The following LUZP2 variants were observed in gnomAD, a reference collection of about 807,000 sequenced individuals.
LUZP2 encodes the protein leucine zipper protein 2.
Under a neutral mutation model 51.6 loss-of-function variants are expected in LUZP2, and 52 were observed. That is an observed-to-expected ratio of 1.01 (90% CI 0.81 to 1.27). LUZP2 has a LOEUF of 1.27. LUZP2 is among the 50% of genes most tolerant of loss of function. LUZP2 has a pLI of 0.00. For synonymous variants in LUZP2, 154 were observed against 137.3 expected, an observed-to-expected ratio of 1.12 and a Z score of -0.85; for missense variants, 436 against 395.4, an observed-to-expected ratio of 1.10 and a Z score of -0.87.
rs148583397 is a variant in LUZP2, at chr11:24,887,452, G to A, written c.397-18539G>A. Among the ~76,000 whole-genome samples the A allele has an allele frequency of 5.9e-5, 9 of 152,222 alleles. No individual in the cohort carries two copies. The East Asian group carries it at 1.4e-3, about 23-fold the overall frequency. On this transcript the variant is annotated intron_variant, in intron 5 of 11. Coordinates refer to ENST00000336930, the MANE Select transcript of LUZP2 (RefSeq NM_001009909.4). ...ACTAATGTATATGTAAGCGAATAAG[G>A]TGTGGGTTATTTTAAGTTTGTTGGC...
rs192929703 is a variant in LUZP2, at chr11:24,834,420, T to G, written c.396+71112T>G. Among the ~76,000 whole-genome samples, 15 of 152,352 alleles carry G rather than the reference T, an allele frequency of 9.8e-5. No homozygotes were observed. The East Asian group carries it at 2.7e-3, about 27-fold the overall frequency. On this transcript the variant is annotated intron_variant, in intron 5 of 11. Transcript: ENST00000336930. ...TCCATCCATGTCCCTGCAAAGGACA[T>G]GATCTCATTCTTTTTATGCCTGCAT...
chr11:24,497,742 G>A (rs532750191), intron 1 of LUZP2, among the ~76,000 whole-genome samples: 37 of 152,272 alleles, frequency 2.4e-4, no homozygotes, highest in Admixed American at 1.2e-3. Context: ...TAAGGAAGAG[G>A]AAACCAGAGA....
chr11:24,965,093 A>G (rs1052117906), intron 7 of LUZP2, among the ~76,000 whole-genome samples: 6 of 151,550 alleles, frequency 4.0e-5, no homozygotes, highest in African/African-American at 1.5e-4. Flanking sequence ...AATATAAGGA[A>G]CAACAGCCTA....
chr11:24,526,022 C>T (rs558733983), intron 1 of LUZP2, among the ~76,000 whole-genome samples: 4 of 151,364 alleles, frequency 2.6e-5, no homozygotes, highest in Non-Finnish European at 5.9e-5. Flanking sequence ...GCATACATTA[C>T]CAAATACTGA....
At chr11:24,988,836 T>C (rs1226805751) in intron 9 of LUZP2, among the ~76,000 whole-genome samples, 2 of 152,014 alleles carry the variant, frequency 1.3e-5, no homozygotes, top group Non-Finnish European at 2.9e-5. Context: ...AAGGACAATA[T>C]CTTTTTTACA....
intron 9 of LUZP2, among the ~76,000 whole-genome samples, chr11:25,005,280 G>A (rs989352344): frequency 4.6e-5 from 7 of 152,122 alleles, no homozygotes; most frequent in Non-Finnish European, 1.0e-4. Flanking sequence ...TGAGCTGAAA[G>A]GTCCTCCTGT....
intron 5 of LUZP2, among the ~76,000 whole-genome samples, chr11:24,893,619 T>C (rs1322473030): frequency 2.0e-5 from 3 of 152,144 alleles, no homozygotes; most frequent in African/African-American, 7.2e-5. Context: ...TATACACATT[T>C]AAACTTTACA....
Position 24,602,126 on chromosome 11 carries a change from GTATATGTGTATATA to G in LUZP2, c.62+104823_62+104836del, listed in dbSNP as rs1565020409. Among the ~76,000 whole-genome samples, 508 of 105,146 alleles carry G rather than the reference GTATATGTGTATATA, an allele frequency of 4.8e-3. 16 individuals are homozygous for G. Among genetic ancestry groups the G allele is most frequent in the East Asian group, 0.029 (132 of 4,608 alleles). 69.0% of individuals were successfully genotyped at this position (105,146 alleles called of 152,430 possible). On this transcript the variant is annotated intron_variant, in intron 1 of 11. Transcript: ENST00000336930. ...TGTATATGTGTATATATGTATATAT[GTATATGTGTATATA>G]TGTATATATGTATATATGTATATAT... is the stretch of plus-strand genomic sequence containing the variant.
chr11:24,632,045 G>T (rs1006283781), intron 1 of LUZP2, among the ~76,000 whole-genome samples: 1 of 151,968 alleles, frequency 6.6e-6, no homozygotes, highest in Non-Finnish European at 1.5e-5. Flanking sequence ...TACTATGGAA[G>T]TGGGGCATTT....
chr11:24,744,924 T>G (rs781206530), intron 4 of LUZP2, among the ~76,000 whole-genome samples: 4 of 152,144 alleles, frequency 2.6e-5, no homozygotes, highest in African/African-American at 9.7e-5. Context: ...TGTCGTTCAG[T>G]TTGAAGATTT....
chr11:25,010,511 G>T (rs1856950248), intron 9 of LUZP2, among the ~76,000 whole-genome samples: 1 of 151,762 alleles, frequency 6.6e-6, no homozygotes, highest in Admixed American at 6.6e-5. Flanking sequence ...TCACACCAAT[G>T]CACTCCAACC....
chr11:24,984,698 ACT>A (rs981420017), intron 9 of LUZP2, among the ~76,000 whole-genome samples: 37 of 151,176 alleles, frequency 2.4e-4, no homozygotes, highest in African/African-American at 8.9e-4. Context: ...TGTTACATTC[ACT>A]GTTAGAACTA....
intron 1 of LUZP2, among the ~76,000 whole-genome samples, chr11:24,665,639 A>T (rs1404522386): frequency 1.3e-5 from 2 of 152,086 alleles, no homozygotes; most frequent in African/African-American, 2.4e-5. Flanking sequence ...CTAGTAAAAA[A>T]TTTGTCATGC....
chr11:24,851,454 G>A (rs989770117), intron 5 of LUZP2, among the ~76,000 whole-genome samples: 3 of 152,132 alleles, frequency 2.0e-5, no homozygotes, highest in East Asian at 1.9e-4. Context: ...GGATGAAGCC[G>A]ACTTGATCGT....
intron 5 of LUZP2, among the ~76,000 whole-genome samples, chr11:24,796,569 A>AG (rs1849551921): frequency 6.7e-6 from 1 of 150,094 alleles, no homozygotes; most frequent in East Asian, 1.9e-4. Context: ...AGAGCCAAAG[A>AG]GAAAAAAAAA....
intron 8 of LUZP2, among the ~76,000 whole-genome samples, chr11:24,977,247 T>C (rs1855905025): frequency 6.6e-6 from 1 of 151,584 alleles, no homozygotes; most frequent in Non-Finnish European, 1.5e-5. Flanking sequence ...AAATATAATA[T>C]TAACAAATAT....
chr11:24,518,317 G>C (rs1369811723), intron 1 of LUZP2, among the ~76,000 whole-genome samples: 1 of 151,954 alleles, frequency 6.6e-6, no homozygotes, highest in Admixed American at 6.6e-5. Context: ...CTAACATCTA[G>C]GTTCTTATAA....
chr11:24,998,130 A>G (rs1316335384), intron 9 of LUZP2, among the ~76,000 whole-genome samples: 3 of 152,114 alleles, frequency 2.0e-5, no homozygotes, highest in African/African-American at 7.2e-5. Flanking sequence ...TATGAACTTT[A>G]AGGTAGTTTT....
chr11:24,928,570 G>A (rs986141467), intron 7 of LUZP2, among the ~76,000 whole-genome samples: 5 of 151,964 alleles, frequency 3.3e-5, no homozygotes, highest in Non-Finnish European at 7.4e-5. Context: ...TGCATCCCTG[G>A]TATGAAACCC....
Sources: gnomAD v4.1 joint callset for allele counts (sites outside exome capture counted in the v4.1 genomes callset) on GRCh38, gnomAD v4.1.1 for gene constraint, MANE v1.5 for transcripts, NCBI Gene and HGNC (gene_info 2026-07-23, HGNC 2026-07-21) for gene names.